Variants in FBXL2 observed in about 807,000 individuals in gnomAD.
FBXL2 encodes the protein F-box and leucine rich repeat protein 2.
In FBXL2, 38 loss-of-function variants were observed where a neutral mutation model predicts 69.2. The ratio of observed to expected loss-of-function variants is 0.55; its 90% confidence interval spans 0.42 to 0.72. The LOEUF (loss-of-function observed/expected upper bound fraction) is 0.72, where lower values mean the gene tolerates loss of function less well. Ranked by LOEUF, FBXL2 falls within the 30% of genes least tolerant of loss-of-function variation. The pLI, the probability that FBXL2 is intolerant of heterozygous loss-of-function variation, is 0.00. For synonymous variants in FBXL2, 192 were observed against 201.3 expected (o/e 0.95, Z 0.39); for missense variants, 354 against 520.3 (o/e 0.68, Z 3.11).
the FBXL2 span, among the ~76,000 whole-genome samples, chr3:33,420,591 C>T: frequency 3.1e-3 from 469 of 149,138 alleles, 2 homozygotes; most frequent in African/African-American, 0.011. Context: ...TGGGTTCAAA[C>T]GGTTCTCCTG....
chr3:33,313,770 T>C (rs182082902), intron 2 of FBXL2, among the ~76,000 whole-genome samples: 76 of 152,312 alleles, frequency 5.0e-4, no homozygotes, highest in African/African-American at 1.8e-3. Context: ...TCAGTACTCA[T>C]TATCAGTCCA....
intron 2 of FBXL2, among the ~76,000 whole-genome samples, chr3:33,342,537 C>T (rs1398408335): frequency 6.6e-6 from 1 of 151,376 alleles, no homozygotes; most frequent in Non-Finnish European, 1.5e-5. Flanking sequence ...ATTTTAAATA[C>T]GGCCATTCTG....
intron 2 of FBXL2, among the ~76,000 whole-genome samples, chr3:33,334,835 C>T (rs1256357514): frequency 6.6e-6 from 1 of 151,976 alleles, no homozygotes; most frequent in African/African-American, 2.4e-5. Context: ...AATCCCAGCA[C>T]TTTGGGAAGC....
At chr3:33,285,302 C>G (rs2125680515) in intron 1 of FBXL2, among the ~76,000 whole-genome samples, 1 of 152,276 alleles carries the variant, frequency 6.6e-6, no homozygotes, top group East Asian at 1.9e-4. Context: ...ACTTCTGAAG[C>G]TTAGTTTGGC....
chr3:33,408,859 CCT>C, the FBXL2 span: 1 of 1,376,008 alleles, frequency 7.3e-7, no homozygotes, highest in Admixed American at 1.8e-5. Context: ...GATCTAACAC[CCT>C]GTTTCATGTC....
At chr3:33,296,745 C>G (rs1256362780) in intron 1 of FBXL2, among the ~76,000 whole-genome samples, 1 of 152,148 alleles carries the variant, frequency 6.6e-6, no homozygotes, top group African/African-American at 2.4e-5. Context: ...TTCCATTGAT[C>G]TATATGTCTA....
chr3:33,295,888 A>G (rs888976342), intron 1 of FBXL2, among the ~76,000 whole-genome samples: 10 of 152,292 alleles, frequency 6.6e-5, no homozygotes, highest in Middle Eastern at 3.4e-3. Context: ...AGAAATGTCT[A>G]TTCAAATCTT....
chr3:33,326,516 A>G (rs1365335585), intron 2 of FBXL2, among the ~76,000 whole-genome samples: 4 of 151,922 alleles, frequency 2.6e-5, no homozygotes, highest in Non-Finnish European at 5.9e-5. Context: ...AAAAAAAAAA[A>G]AAAAGAAAAG....
At chr3:33,382,222 A>T (rs1559644235) in intron 13 of FBXL2, among the ~76,000 whole-genome samples, 1 of 152,220 alleles carries the variant, frequency 6.6e-6, no homozygotes. Flanking sequence ...CTTTCGCACT[A>T]AAAAATTTGG....
intron 2 of FBXL2, among the ~76,000 whole-genome samples, chr3:33,331,860 A>G (rs888651022): frequency 3.9e-5 from 6 of 152,226 alleles, no homozygotes; most frequent in African/African-American, 1.4e-4. Flanking sequence ...AATTTATACA[A>G]AATGTAGCAT....
intron 2 of FBXL2, among the ~76,000 whole-genome samples, chr3:33,356,228 C>T (rs1001287117): frequency 1.1e-4 from 16 of 152,112 alleles, no homozygotes; most frequent in African/African-American, 3.6e-4. Flanking sequence ...ATAGCACTGT[C>T]GACCTAAATA....
At chr3:33,340,895 C>CAAAAAAA (rs67092664) in intron 2 of FBXL2, among the ~76,000 whole-genome samples, 15 of 86,554 alleles carry the variant, frequency 1.7e-4, no homozygotes, top group Middle Eastern at 7.6e-3. Context: ...TTCCTTTGCC[C>CAAAAAAA]AAAAAAAAAA....
At chr3:33,286,153 C>T (rs1041257829) in intron 1 of FBXL2, among the ~76,000 whole-genome samples, 1 of 152,168 alleles carries the variant, frequency 6.6e-6, no homozygotes, top group African/African-American at 2.4e-5. Context: ...TCTGGTTTCT[C>T]CTCATCTTTG....
chr3:33,389,261 A>ATATT (rs1272958301), downstream of FBXL2: 1 of 152,630 alleles, frequency 6.6e-6, no homozygotes, highest in Non-Finnish European at 1.5e-5. Context: ...CTAAAGCTCA[A>ATATT]TATTTGAGAG....
chr3:33,399,776 T>C (rs1461051926), intron 12 of FBXL2, among the ~76,000 whole-genome samples: 1 of 152,206 alleles, frequency 6.6e-6, no homozygotes. Flanking sequence ...GTTGTGCCAA[T>C]GTCAGTTTCC....
chr3:33,365,770 C>T (rs75530651), intron 5 of FBXL2, among the ~76,000 whole-genome samples: 109 of 152,212 alleles, frequency 7.2e-4, no homozygotes, highest in African/African-American at 2.5e-3. Context: ...ACAATTTGTG[C>T]TTTGAGGATT....
At chr3:33,279,062 A>C (rs527481092) in intron 1 of FBXL2, among the ~76,000 whole-genome samples, 1 of 152,230 alleles carries the variant, frequency 6.6e-6, no homozygotes, top group East Asian at 1.9e-4. Flanking sequence ...ACTTTAAAAT[A>C]AAAGCATTTA....
At chr3:33,336,757 T>G (rs1164838055) in intron 2 of FBXL2, among the ~76,000 whole-genome samples, 1 of 151,620 alleles carries the variant, frequency 6.6e-6, no homozygotes, top group Non-Finnish European at 1.5e-5. Context: ...ATGTAAAAAT[T>G]AGCTGGGTGT....
chr3:33,277,353 G>A (rs2033372448), upstream of FBXL2: 1 of 691,990 alleles, frequency 1.4e-6, no homozygotes, highest in Non-Finnish European at 2.0e-6. Context: ...GCGGTCCAAA[G>A]GGCACCGCCC....
Sources: gnomAD v4.1 joint callset for allele counts (sites outside exome capture counted in the v4.1 genomes callset) on GRCh38, gnomAD v4.1.1 for gene constraint, MANE v1.5 for transcripts, NCBI Gene and HGNC (gene_info 2026-07-23, HGNC 2026-07-21) for gene names.